GRM8: variants seen among roughly 807,000 people sequenced by gnomAD.
GRM8 encodes metabotropic glutamate receptor 8.
In GRM8, 47 loss-of-function variants were observed where a neutral mutation model predicts 87.2. The ratio of observed to expected loss-of-function variants is 0.54; its 90% confidence interval spans 0.43 to 0.69. The LOEUF (loss-of-function observed/expected upper bound fraction) is 0.69, where lower values mean the gene tolerates loss of function less well. Ranked by LOEUF, GRM8 falls within the 30% of genes least tolerant of loss-of-function variation. The probability of loss-of-function intolerance (pLI) is 0.00; values close to 1 mark genes in which losing one functional copy is unlikely to be tolerated. For missense variants in GRM8, 1,019 were observed against 1,139.2 expected, an observed-to-expected ratio of 0.89 and a Z score of 1.52; for synonymous variants, 396 against 404.5, an observed-to-expected ratio of 0.98 and a Z score of 0.25.
At chr7:127,093,556 T>C (rs1317741168) in intron 3 of GRM8, among the ~76,000 whole-genome samples, 1 of 152,200 alleles carries the variant, frequency 6.6e-6, no homozygotes. Flanking sequence ...TAAATGTAAC[T>C]CTAGAGTCGT....
chr7:126,940,744 C>T (rs931376710), intron 3 of GRM8, among the ~76,000 whole-genome samples: 1 of 152,196 alleles, frequency 6.6e-6, no homozygotes, highest in African/African-American at 2.4e-5. Flanking sequence ...CTATGATTGT[C>T]ATTTGGGGTC....
chr7:126,612,389 A>G (rs779403770), intron 7 of GRM8, among the ~76,000 whole-genome samples: 8 of 151,922 alleles, frequency 5.3e-5, no homozygotes, highest in Non-Finnish European at 1.0e-4. Flanking sequence ...TGCTCAGGCT[A>G]TTTTCTCTAA....
At chr7:127,249,052 C>T (rs1195205124) in intron 1 of GRM8, among the ~76,000 whole-genome samples, 1 of 152,228 alleles carries the variant, frequency 6.6e-6, no homozygotes, top group Non-Finnish European at 1.5e-5. Flanking sequence ...CAATATAATG[C>T]TTCTACCGCT....
At chr7:127,171,017 A>G (rs1006321696) in intron 2 of GRM8, among the ~76,000 whole-genome samples, 5 of 152,200 alleles carry the variant, frequency 3.3e-5, no homozygotes, top group African/African-American at 1.2e-4. Flanking sequence ...TAAAAAAACC[A>G]TTCGTGACTC....
chr7:126,784,054 G>A (rs1263650330), intron 6 of GRM8, among the ~76,000 whole-genome samples: 1 of 152,146 alleles, frequency 6.6e-6, no homozygotes, highest in East Asian at 1.9e-4. Context: ...AAAATGTGAT[G>A]TCCTTCAACA....
chr7:127,021,230 T>C (rs768970784), intron 3 of GRM8, among the ~76,000 whole-genome samples: 3 of 152,012 alleles, frequency 2.0e-5, no homozygotes, highest in Non-Finnish European at 4.4e-5. Flanking sequence ...CCACACTGTA[T>C]AGGACTTTGG....
At chr7:126,882,379 T>C (rs1194081374) in intron 6 of GRM8, among the ~76,000 whole-genome samples, 1 of 152,118 alleles carries the variant, frequency 6.6e-6, no homozygotes, top group African/African-American at 2.4e-5. Context: ...CATGAACAAA[T>C]ACTCTATTTG....
At chr7:127,247,918 G>C (rs961894954) in intron 1 of GRM8, among the ~76,000 whole-genome samples, 1 of 152,126 alleles carries the variant, frequency 6.6e-6, no homozygotes, top group Non-Finnish European at 1.5e-5. Flanking sequence ...GATTGTGAAA[G>C]CTCTTCTACA....
chr7:127,149,195 C>T (rs1472576644), intron 2 of GRM8, among the ~76,000 whole-genome samples: 1 of 151,818 alleles, frequency 6.6e-6, no homozygotes, highest in Non-Finnish European at 1.5e-5. Flanking sequence ...GAGTTAATAT[C>T]TAAAATGTAT....
intron 7 of GRM8, among the ~76,000 whole-genome samples, chr7:126,619,624 T>C (rs187672708): frequency 6.6e-6 from 1 of 152,348 alleles, no homozygotes; most frequent in Non-Finnish European, 1.5e-5. Context: ...TATGCTCACA[T>C]TTTCCTGTTT....
intron 8 of GRM8, among the ~76,000 whole-genome samples, chr7:126,554,740 C>T (rs914501014): frequency 2.0e-5 from 3 of 152,112 alleles, no homozygotes; most frequent in African/African-American, 7.2e-5. Context: ...TAAAAGTTTT[C>T]AGAAATAGTT....
chr7:126,601,215 AATG>A (rs1797721340), intron 8 of GRM8, among the ~76,000 whole-genome samples: 1 of 151,826 alleles, frequency 6.6e-6, no homozygotes, highest in South Asian at 2.1e-4. Flanking sequence ...GTTTACTGAG[AATG>A]ATGATTTCCA....
chr7:126,952,145 A>T (rs539860736), intron 3 of GRM8, among the ~76,000 whole-genome samples: 5 of 152,070 alleles, frequency 3.3e-5, no homozygotes, highest in Non-Finnish European at 7.4e-5. Context: ...GTTCAAAAAA[A>T]TAAATAAGGG....
intron 3 of GRM8, among the ~76,000 whole-genome samples, chr7:127,102,932 G>A (rs1407176705): frequency 2.6e-5 from 4 of 152,154 alleles, no homozygotes; most frequent in African/African-American, 7.2e-5. Context: ...GTGGAATCTC[G>A]GCTCACTGCA....
chr7:126,516,300 G>A (rs903453352), intron 9 of GRM8, among the ~76,000 whole-genome samples: 15 of 151,620 alleles, frequency 9.9e-5, no homozygotes, highest in Non-Finnish European at 2.1e-4. Context: ...CATAACATCT[G>A]CATTTCTATT....
intron 2 of GRM8, among the ~76,000 whole-genome samples, chr7:127,137,049 C>G: frequency 6.6e-6 from 1 of 152,054 alleles, no homozygotes; most frequent in East Asian, 1.9e-4. Context: ...ATAGGTTTTA[C>G]GGTCATTCAG....
intron 8 of GRM8, among the ~76,000 whole-genome samples, chr7:126,596,321 CT>C (rs1402405252): frequency 6.6e-6 from 1 of 152,000 alleles, no homozygotes; most frequent in Non-Finnish European, 1.5e-5. Flanking sequence ...CCAGCACCTG[CT>C]TTTTTTGACT....
intron 6 of GRM8, among the ~76,000 whole-genome samples, chr7:126,825,491 T>C (rs1410842106): frequency 6.6e-6 from 1 of 152,090 alleles, no homozygotes; most frequent in Non-Finnish European, 1.5e-5. Context: ...TTGCTCAGGG[T>C]CAAAAGCTAA....
chr7:126,529,351 T>C (rs1027078660), intron 9 of GRM8, among the ~76,000 whole-genome samples: 3 of 152,194 alleles, frequency 2.0e-5, no homozygotes, highest in Admixed American at 2.0e-4. Flanking sequence ...AAGAGCTATA[T>C]GTTAAGAGAC....
Sources: gnomAD v4.1 joint callset for allele counts (sites outside exome capture counted in the v4.1 genomes callset) on GRCh38, gnomAD v4.1.1 for gene constraint, MANE v1.5 for transcripts, NCBI Gene and HGNC (gene_info 2026-07-23, HGNC 2026-07-21) for gene names.